Variants in CTNNA3 observed in about 807,000 individuals in gnomAD.
CTNNA3 encodes catenin alpha-3.
A neutral mutation model predicts 95.7 loss-of-function variants in CTNNA3; 76 were observed. The ratio of observed to expected loss-of-function variants is 0.79; its 90% CI spans 0.66 to 0.96. CTNNA3 has a LOEUF of 0.96. Ranked by LOEUF, CTNNA3 falls within the 40% of genes least tolerant of loss-of-function variation. The pLI is 0.00. For synonymous variants in CTNNA3, 431 were observed against 374.4 expected (o/e 1.15, Z -1.74); for missense variants, 1,191 against 1,089.8 (o/e 1.09, Z -1.31).
intron 11 of CTNNA3, among the ~76,000 whole-genome samples, chr10:66,443,676 G>A (rs1468620258): frequency 1.3e-5 from 2 of 152,082 alleles, no homozygotes; most frequent in East Asian, 3.9e-4. Context: ...CCATCTGTAC[G>A]TTGCCATCAT....
intron 3 of CTNNA3, among the ~76,000 whole-genome samples, chr10:67,544,758 A>C (rs1840787675): frequency 6.6e-6 from 1 of 152,202 alleles, no homozygotes; most frequent in Admixed American, 6.5e-5. Context: ...GGGACATTGG[A>C]TAGAATACAA....
At chr10:67,376,790 T>C (rs1843709785) in intron 5 of CTNNA3, among the ~76,000 whole-genome samples, 1 of 152,206 alleles carries the variant, frequency 6.6e-6, no homozygotes, top group Non-Finnish European at 1.5e-5. Flanking sequence ...TTAAGGGAAC[T>C]CTTGGAAAAG....
At chr10:67,101,926 A>C (rs1461352283) in intron 7 of CTNNA3, among the ~76,000 whole-genome samples, 1 of 149,382 alleles carries the variant, frequency 6.7e-6, no homozygotes, top group Non-Finnish European at 1.5e-5. Flanking sequence ...TATAAAAGAA[A>C]TGCAGATGTT....
At chr10:66,124,683 A>C (rs2082732262) in intron 13 of CTNNA3, among the ~76,000 whole-genome samples, 1 of 152,222 alleles carries the variant, frequency 6.6e-6, no homozygotes. Flanking sequence ...CCTCACAATC[A>C]TGAAGGAAGG....
At chr10:67,328,015 G>A (rs1289039041) in intron 5 of CTNNA3, among the ~76,000 whole-genome samples, 2 of 152,248 alleles carry the variant, frequency 1.3e-5, no homozygotes, top group African/African-American at 4.8e-5. Context: ...GCGGGGGCAG[G>A]GCTGGCTGAC....
chr10:67,664,995 A>G (rs1358647624), intron 1 of CTNNA3, among the ~76,000 whole-genome samples: 1 of 152,238 alleles, frequency 6.6e-6, no homozygotes, highest in Non-Finnish European at 1.5e-5. Context: ...ATTTGCACAA[A>G]TAACCTACTC....
At chr10:66,008,926 C>A (rs1188976729) in intron 15 of CTNNA3, among the ~76,000 whole-genome samples, 1 of 151,934 alleles carries the variant, frequency 6.6e-6, no homozygotes, top group African/African-American at 2.4e-5. Context: ...ATGGTGAAAC[C>A]CCATCTCCAC....
chr10:66,624,171 G>T (rs777283644), intron 9 of CTNNA3, among the ~76,000 whole-genome samples: 6 of 152,162 alleles, frequency 3.9e-5, no homozygotes, highest in Admixed American at 2.0e-4. Context: ...GAGACAAACA[G>T]ATTTGGGTTT....
intron 7 of CTNNA3, among the ~76,000 whole-genome samples, chr10:67,021,727 C>T (rs191114667): frequency 3.3e-5 from 5 of 152,090 alleles, no homozygotes; most frequent in African/African-American, 7.2e-5. Flanking sequence ...AAAATTTCCT[C>T]TTAAGATTTC....
At chr10:66,518,641 A>C (rs368299492) in intron 11 of CTNNA3, among the ~76,000 whole-genome samples, 1 of 152,238 alleles carries the variant, frequency 6.6e-6, no homozygotes, top group African/African-American at 2.4e-5. Flanking sequence ...ATAATATACA[A>C]TCATGCAGAA....
At chr10:66,876,962 G>A (rs1315476297) in intron 7 of CTNNA3, among the ~76,000 whole-genome samples, 2 of 152,064 alleles carry the variant, frequency 1.3e-5, no homozygotes, top group Non-Finnish European at 2.9e-5. Flanking sequence ...AAAGACTAGA[G>A]TGAGTTACCT....
In CTNNA3 at chr10:66,539,612, T is replaced by C. The variant is rs1841777811; in HGVS notation, c.1375-18839A>G. ...GAATGATCTATAGGGACAGTCCTTT[T>C]AGATGCTTGAGGCCTTTTACCTTCC... On this transcript the variant is annotated intron_variant, in intron 10 of 17. Coordinates refer to ENST00000433211, the MANE Select transcript of CTNNA3 (RefSeq NM_013266.4). Among the ~76,000 whole-genome samples, 3 of 152,164 alleles carry C rather than the reference T, an allele frequency of 2.0e-5. No individual in the cohort carries two copies. The South Asian group carries it at 6.2e-4, about 32-fold the overall frequency.
At chr10:66,876,492 A>G (rs185670614) in intron 7 of CTNNA3, among the ~76,000 whole-genome samples, 212 of 152,272 alleles carry the variant, frequency 1.4e-3, no homozygotes, top group African/African-American at 5.0e-3. Context: ...ATTTGACCTA[A>G]TTCTTTCAAT....
At chr10:67,422,257 C>A (rs1354264193) in intron 5 of CTNNA3, among the ~76,000 whole-genome samples, 1 of 152,054 alleles carries the variant, frequency 6.6e-6, no homozygotes, top group Admixed American at 6.6e-5. Context: ...ATTTTGATAA[C>A]TGTATTGAGA....
intron 13 of CTNNA3, among the ~76,000 whole-genome samples, chr10:66,238,030 A>G (rs1205711544): frequency 6.6e-6 from 1 of 152,086 alleles, no homozygotes; most frequent in African/African-American, 2.4e-5. Flanking sequence ...TAAAATAATC[A>G]AATTCATGCT....
chr10:66,729,661 G>A (rs1848890782), intron 9 of CTNNA3, among the ~76,000 whole-genome samples: 1 of 152,108 alleles, frequency 6.6e-6, no homozygotes, highest in African/African-American at 2.4e-5. Flanking sequence ...AAGGGGGCGA[G>A]GGATAAAAGA....
chr10:66,011,519 A>T (rs1227541501), intron 15 of CTNNA3, among the ~76,000 whole-genome samples: 2 of 152,094 alleles, frequency 1.3e-5, no homozygotes, highest in East Asian at 3.9e-4. Context: ...AATTTCCCAC[A>T]TATATTGCAT....
chr10:66,284,023 C>G (rs2091539775), intron 12 of CTNNA3, among the ~76,000 whole-genome samples: 1 of 151,848 alleles, frequency 6.6e-6, no homozygotes, highest in Admixed American at 6.6e-5. Context: ...TTAAACACAT[C>G]CATTCTAATC....
chr10:67,675,989 G>A (rs1245683395), intron 1 of CTNNA3, among the ~76,000 whole-genome samples: 1 of 151,696 alleles, frequency 6.6e-6, no homozygotes, highest in Non-Finnish European at 1.5e-5. Flanking sequence ...GCAATCATAG[G>A]GATCAATAAC....
Sources: gnomAD v4.1 joint callset for allele counts (sites outside exome capture counted in the v4.1 genomes callset) on GRCh38, gnomAD v4.1.1 for gene constraint, MANE v1.5 for transcripts, NCBI Gene and HGNC (gene_info 2026-07-23, HGNC 2026-07-21) for gene names.